Variants in DNAAF1 observed in about 807,000 individuals in gnomAD.
The protein encoded by DNAAF1 is dynein assembly factor 1, axonemal.
In DNAAF1, 65 loss-of-function variants were observed where a neutral mutation model predicts 71.1. The observed-to-expected ratio is 0.91, with a 90% CI of 0.75 to 1.12. The LOEUF is 1.12. Ranked by LOEUF, DNAAF1 falls within the 50% of genes most tolerant of loss-of-function variation. The pLI is 0.00. For missense variants in DNAAF1, 1,178 were observed against 899.8 expected (o/e 1.31, Z -3.96); for synonymous variants, 414 against 354.6 (o/e 1.17, Z -1.88).
rs1001410501 is a variant in DNAAF1, at chr16:84,173,336, C to T, written c.1644+961C>T. The T allele has an allele frequency of 2.0e-5, 12 of 597,296 alleles. No homozygotes were observed. In the African/African-American group the frequency reaches 2.4e-4, roughly 12 times the overall value. 37.0% of individuals were successfully genotyped at this position (597,296 alleles called of 1,614,324 possible). A position where few individuals can be genotyped will look rare whatever the true frequency, so the allele number is the denominator to read the frequency against. ...AAAATTAGCCAGGTGTGGTGATGGG[C>T]ACCTGTAGTCCCAGCTACTTGGGAG... On this transcript the variant is annotated intron_variant, in intron 9 of 11. Coordinates refer to ENST00000378553, the MANE Select transcript of DNAAF1 (RefSeq NM_178452.6).
chr16:84,164,164 A>T (rs2087853211), intron 6 of DNAAF1, among the ~76,000 whole-genome samples: 1 of 152,112 alleles, frequency 6.6e-6, no homozygotes, highest in Non-Finnish European at 1.5e-5. Context: ...AAGTAGAGAG[A>T]GTTTCCATAT....
At position 84,152,362 on chromosome 16, in the gene DNAAF1, G is replaced by C. The variant is rs573936270; in HGVS notation, c.352+2020G>C. On this transcript the variant is annotated intron_variant, in intron 3 of 11. Coordinates refer to ENST00000378553, the MANE Select transcript of DNAAF1 (RefSeq NM_178452.6). ...ACATACACACACTCTTAGGTTAAAA[G>C]TGACTTAAGGCCAGGCGTGGTGGCT... Among the ~76,000 whole-genome samples, 7 of 152,320 alleles carry C rather than the reference G, an allele frequency of 4.6e-5. No homozygotes were observed. The East Asian group carries it at 9.6e-4, about 21-fold the overall frequency.
intron 4 of DNAAF1, 90 bp downstream of exon 4, chr16:84,154,888 G>C (rs2087338646): frequency 1.8e-6 from 2 of 1,137,738 alleles, no homozygotes; most frequent in East Asian, 2.4e-5. Flanking sequence ...TTATGGGCAA[G>C]AAGTGGTGTT....
chr16:84,147,602 G>A (rs965396969), intron 1 of DNAAF1, among the ~76,000 whole-genome samples: 1 of 151,806 alleles, frequency 6.6e-6, no homozygotes, highest in East Asian at 1.9e-4. Context: ...GGGACTACAG[G>A]CATGCTCCAC....
chr16:84,171,056 G>GGTA (rs1157627343), intron 8 of DNAAF1, among the ~76,000 whole-genome samples: 1 of 152,140 alleles, frequency 6.6e-6, no homozygotes, highest in African/African-American at 2.4e-5. Context: ...ACTGGTGAAA[G>GGTA]GTAGGCCATT....
chr16:84,163,572 G>C (rs2087820912), intron 6 of DNAAF1, among the ~76,000 whole-genome samples: 1 of 151,868 alleles, frequency 6.6e-6, no homozygotes, highest in African/African-American at 2.4e-5. Context: ...GTAGAGACAG[G>C]GTTTCACCAT....
In DNAAF1 at chr16:84,176,188, G is replaced by C. The variant is rs113845425; in HGVS notation, c.1954G>C (p.Asp652His). ...AAGACCCCTGATCCAGGAGCTCAGC[G>C]ACGAGGACCCCTCTGGCCAGCTACT... ...SPRPLIQELS[D>H]EDPSGQLLMP... Residue 652 changes from aspartate to histidine, a missense_variant, in exon 11 of 12, where the codon GAC becomes CAC. Coordinates refer to ENST00000378553, the MANE Select transcript of DNAAF1 (RefSeq NM_178452.6). 1.2e-5 allele frequency: 20 copies of C among 1,613,992 alleles called. 1 individual carries two copies. The highest frequency in any genetic ancestry group is 6.7e-5 in the African/African-American group (5 of 75,074).
chr16:84,153,653 TAAAG>T (rs2087282814), intron 3 of DNAAF1, among the ~76,000 whole-genome samples: 1 of 152,108 alleles, frequency 6.6e-6, no homozygotes, highest in Non-Finnish European at 1.5e-5. Flanking sequence ...GGCAACAAAA[TAAAG>T]AACTTTAAAA....
At chr16:84,163,469 C>T (rs1053127508) in intron 6 of DNAAF1, among the ~76,000 whole-genome samples, 15 of 151,524 alleles carry the variant, frequency 9.9e-5, no homozygotes, top group South Asian at 4.2e-4. Flanking sequence ...CAACCTCTGT[C>T]TCCCAGGTTC....
intron 9 of DNAAF1, 72 bp downstream of exon 9, chr16:84,172,447 C>T (rs571318849): frequency 6.3e-7 from 1 of 1,577,478 alleles, no homozygotes; most frequent in South Asian, 1.2e-5. Context: ...CAGATGCAGA[C>T]TTTGGAGACC....
chr16:84,159,745 G>A lies in DNAAF1; in HGVS notation c.812G>A (p.Arg271Gln), dbSNP rs140751779. 38 of 1,613,928 alleles carry A rather than the reference G, an allele frequency of 2.4e-5. No individual in the cohort carries two copies. In the African/African-American group the frequency reaches 3.2e-4, roughly 14 times the overall value. The change falls in exon 6 of 12, where the codon CGA becomes CAA. Residue 271 changes from arginine (R) to glutamine (Q), a missense_variant. By Grantham distance (43) the Arg-to-Gln change is conservative. Coordinates refer to ENST00000378553, the MANE Select transcript of DNAAF1 (RefSeq NM_178452.6). ...AATTACAGAAGGACAGTCACTGTAC[G>A]ACTAAAGCACTTAACATACCTGGAT... ...IPNYRRTVTVRLKHLTYLDDR... is the reference protein window; with the variant it reads ...IPNYRRTVTVQLKHLTYLDDR...
chr16:84,172,792 C>A (rs571291591), intron 9 of DNAAF1: 4 of 1,071,134 alleles, frequency 3.7e-6, no homozygotes, highest in Non-Finnish European at 3.4e-6. Flanking sequence ...TCTTTTCCCC[C>A]CTCCGTGGAC....
chr16:84,175,521 C>T (rs2088606077), intron 10 of DNAAF1: 1 of 255,178 alleles, frequency 3.9e-6, no homozygotes, highest in Non-Finnish European at 7.7e-6. Context: ...AGGCATCAGC[C>T]ATCATCTCTG....
intron 7 of DNAAF1, among the ~76,000 whole-genome samples, chr16:84,169,078 T>C (rs1030448943): frequency 1.2e-4 from 5 of 40,918 alleles, no homozygotes; most frequent in African/African-American, 3.0e-4. Flanking sequence ...TCAAGGATAC[T>C]TTTTTTTTTT....
At chr16:84,150,420 A>G in intron 3 of DNAAF1, 78 bp downstream of exon 3, 1 of 1,120,870 alleles carries the variant, frequency 8.9e-7, no homozygotes. Context: ...ACTTGCAGGG[A>G]TCACCTTTAG....
chr16:84,159,837 G>A, intron 6 of DNAAF1, 41 bp downstream of exon 6: 4 of 1,609,056 alleles, frequency 2.5e-6, no homozygotes, highest in Non-Finnish European at 3.4e-6. Flanking sequence ...TTAATATTTA[G>A]TAGTTGACCA....
intron 5 of DNAAF1, chr16:84,159,112 C>T (rs545639690): frequency 1.2e-5 from 12 of 992,102 alleles, no homozygotes; most frequent in African/African-American, 1.0e-4. Flanking sequence ...GATGGCAGGT[C>T]GGATTGCCGA....
At position 84,145,573 on chromosome 16, in the gene DNAAF1, T is replaced by A; in HGVS notation, c.124+9T>A. On this transcript the variant is annotated intron_variant, in intron 1 of 11. Coordinates refer to ENST00000378553, the MANE Select transcript of DNAAF1 (RefSeq NM_178452.6). ...AGGGGGCTGCAAGGAAGGTGCCGAC[T>A]GCCCCCCAGGGAGGGCGGTGGGCGA... 1.9e-6 allele frequency: 3 copies of A among 1,546,024 alleles called. No homozygotes were observed. Among genetic ancestry groups the A allele is most frequent in the Non-Finnish European group, 2.6e-6 (3 of 1,146,186 alleles).
At position 84,165,940 on chromosome 16, in the gene DNAAF1, CAA is replaced by C. The variant is rs903436598; in HGVS notation, c.1022_1023del (p.Gln341ArgfsTer10). ...GGAGAGGAAAAGACAGAGAGAGAGT[CAA>C]GAGAGAGGTATGCGCTCGGCCGAAG... Reference protein sequence around the residue: ...AEERKRQRESQERGEMTSSDD... With the variant: ...AEERKRQRESXERGEMTSSDD... On this transcript the variant is annotated frameshift_variant, in exon 7 of 12. Coordinates refer to ENST00000378553, the MANE Select transcript of DNAAF1 (RefSeq NM_178452.6). LOFTEE classifies it high-confidence loss of function. 2.5e-6 allele frequency: 4 copies of C among 1,611,454 alleles called. No individual in the cohort carries two copies. The highest frequency in any genetic ancestry group is 3.4e-6 in the Non-Finnish European group (4 of 1,179,312).
Sources: allele counts gnomAD v4.1 joint callset (sites outside exome capture counted in the v4.1 genomes callset), GRCh38; gene constraint gnomAD v4.1.1; transcripts MANE v1.5; gene names NCBI Gene and HGNC (gene_info 2026-07-23, HGNC 2026-07-21).